UBXN7: variants seen among roughly 807,000 people sequenced by gnomAD.
The protein encoded by UBXN7 is UBX domain-containing protein 7.
In UBXN7, 9 loss-of-function variants were observed where a neutral mutation model predicts 58.0. The ratio of observed to expected loss-of-function variants is 0.16; its 90% confidence interval spans 0.09 to 0.27. The LOEUF (loss-of-function observed/expected upper bound fraction) is 0.27, where lower values mean the gene tolerates loss of function less well. Ranked by LOEUF, UBXN7 falls within the 10% of genes least tolerant of loss-of-function variation. UBXN7 has a pLI of 1.00. For missense variants in UBXN7, 328 were observed against 599.6 expected (o/e 0.55, Z 4.73); for synonymous variants, 208 against 205.0 (o/e 1.01, Z -0.12).
intron 1 of UBXN7, among the ~76,000 whole-genome samples, chr3:196,421,991 G>A (rs1399252521): frequency 2.0e-5 from 3 of 152,126 alleles, no homozygotes. Flanking sequence ...TTGAGGCCAG[G>A]AGTTCAAGAC....
At chr3:196,381,580 T>C (rs1395549869) in intron 5 of UBXN7, among the ~76,000 whole-genome samples, 2 of 152,174 alleles carry the variant, frequency 1.3e-5, no homozygotes, top group Non-Finnish European at 2.9e-5. Context: ...GCGCCTCTTC[T>C]CCTCCAAAGG....
At chr3:196,407,474 C>A (rs1284371362) in intron 1 of UBXN7, 81 bp from the exon 2 acceptor site, 3 of 1,489,678 alleles carry the variant, frequency 2.0e-6, no homozygotes, top group African/African-American at 1.4e-5. Flanking sequence ...TATTAGAATT[C>A]CCAAGTAAAT....
rs1295006329 is a variant in UBXN7 at position 196,349,115 on chromosome 3, T to G, written c.*7570A>C. 1 of 152,222 alleles carries G rather than the reference T, an allele frequency of 6.6e-6. No individual in the cohort carries two copies. Among genetic ancestry groups the G allele is most frequent in the East Asian group, 1.9e-4 (1 of 5,200 alleles). 9.4% of individuals were successfully genotyped at this position (152,222 alleles called of 1,614,324 possible). ...GCCCCTCAAAGTCTAAGTATCGTGT[T>G]AGCATCAACTGGTACTCATTTCTCT... On this transcript the variant is annotated 3_prime_UTR_variant, in exon 11 of 11. Coordinates refer to ENST00000296328, the MANE Select transcript of UBXN7 (RefSeq NM_015562.2).
At chr3:196,367,234 T>C (rs1441985559) in intron 8 of UBXN7, among the ~76,000 whole-genome samples, 2 of 151,820 alleles carry the variant, frequency 1.3e-5, no homozygotes, top group African/African-American at 2.4e-5. Flanking sequence ...TTATCCCTAC[T>C]GCTATCAAAG....
At chr3:196,399,026 C>T (rs1205671538) in intron 3 of UBXN7, among the ~76,000 whole-genome samples, 1 of 152,142 alleles carries the variant, frequency 6.6e-6, no homozygotes, top group Non-Finnish European at 1.5e-5. Context: ...CAAGAAAATG[C>T]CAACTGTCAA....
chr3:196,361,481 C>T (rs985182712), intron 10 of UBXN7, among the ~76,000 whole-genome samples: 4 of 152,218 alleles, frequency 2.6e-5, no homozygotes, highest in East Asian at 3.9e-4. Flanking sequence ...TACTATCAAA[C>T]GGCAGCACAT....
chr3:196,406,788 A>G (rs554648736), intron 2 of UBXN7, among the ~76,000 whole-genome samples: 4 of 152,296 alleles, frequency 2.6e-5, no homozygotes, highest in African/African-American at 7.2e-5. Context: ...TTTCTGTGAC[A>G]ATGTAGAAAA....
intron 5 of UBXN7, among the ~76,000 whole-genome samples, chr3:196,378,174 T>A (rs1424297281): frequency 1.3e-5 from 2 of 152,202 alleles, no homozygotes; most frequent in Non-Finnish European, 2.9e-5. Context: ...TTTATATAAT[T>A]TACCACTATC....
rs999150875 is a variant in UBXN7 at position 196,353,304 on chromosome 3, C to G, written c.*3381G>C. 2 of 152,140 alleles carry G rather than the reference C, an allele frequency of 1.3e-5. No individual in the cohort carries two copies. Among genetic ancestry groups the G allele is most frequent in the African/African-American group, 4.8e-5 (2 of 41,434 alleles). The allele number at this position is 152,140 out of a possible 1,614,324, so 9.4% of individuals were successfully genotyped here. A position where few individuals can be genotyped will look rare whatever the true frequency, so the allele number is the denominator to read the frequency against. ...ATGGGAAGAAAGTATACATTTTGTA[C>G]GATTCTTCGGGAGATTGAAGAGGCA... On this transcript the variant is annotated 3_prime_UTR_variant, in exon 11 of 11. Coordinates refer to ENST00000296328, the MANE Select transcript of UBXN7 (RefSeq NM_015562.2).
rs568549929 is a variant in UBXN7, at chr3:196,382,166, G to A, written c.468+9647C>T. On this transcript the variant is annotated intron_variant, in intron 5 of 10. Coordinates refer to ENST00000296328, the MANE Select transcript of UBXN7 (RefSeq NM_015562.2). ...ACCACAAAGATACTCCTCAAGAAAAGCAACCCCAAGACACATAATTGTCAG... is the reference window on the plus strand; with the variant it reads ...ACCACAAAGATACTCCTCAAGAAAAACAACCCCAAGACACATAATTGTCAG... 1.7e-4 allele frequency among the ~76,000 whole-genome samples: 26 copies of A among 152,228 alleles called. No homozygotes were observed. The East Asian group carries it at 4.8e-3, about 28-fold the overall frequency.
intron 5 of UBXN7, among the ~76,000 whole-genome samples, chr3:196,382,163 A>C (rs1044566040): frequency 6.6e-6 from 1 of 152,222 alleles, no homozygotes; most frequent in Non-Finnish European, 1.5e-5. Flanking sequence ...CTCCTCAAGA[A>C]AAGCAACCCC....
At chr3:196,391,750 A>C (rs6583305) in intron 5 of UBXN7, 63 bp downstream of exon 5, 8 of 1,220,522 alleles carry the variant, frequency 6.6e-6, no homozygotes, top group Non-Finnish European at 9.4e-6. Context: ...GTAATTTTTT[A>C]AAAAAAGGCA....
At chr3:196,398,681 T>C (rs1459140452) in intron 3 of UBXN7, among the ~76,000 whole-genome samples, 1 of 152,220 alleles carries the variant, frequency 6.6e-6, no homozygotes, top group Non-Finnish European at 1.5e-5. Context: ...ATCAGTAGGC[T>C]GAAGTGCAGT....
chr3:196,377,489 G>A (rs930509581), intron 5 of UBXN7, among the ~76,000 whole-genome samples: 3 of 152,038 alleles, frequency 2.0e-5, no homozygotes, highest in African/African-American at 7.2e-5. Flanking sequence ...TGGAACCTAC[G>A]AAATCAATCT....
At chr3:196,414,478 T>C (rs1157085762) in intron 1 of UBXN7, among the ~76,000 whole-genome samples, 2 of 152,184 alleles carry the variant, frequency 1.3e-5, no homozygotes, top group Non-Finnish European at 2.9e-5. Context: ...GATTTGTTCC[T>C]TACCCCTCCC....
rs184521375 is a variant in UBXN7, at chr3:196,350,981, G to A, written c.*5704C>T. The A allele has an allele frequency of 6.6e-6, 1 of 152,268 alleles. No individual in the cohort carries two copies. The highest frequency in any genetic ancestry group is 6.5e-5 in the Admixed American group (1 of 15,296). 9.4% of individuals were successfully genotyped at this position (152,268 alleles called of 1,614,324 possible). ...CGGAAAACTGCCATGTTCACCAGAA[G>A]AGCTGTCTCTTCCTATGCTCATTAC... On this transcript the variant is annotated 3_prime_UTR_variant, in exon 11 of 11. Coordinates refer to ENST00000296328, the MANE Select transcript of UBXN7 (RefSeq NM_015562.2).
At chr3:196,364,253 C>G (rs1195076453) in intron 8 of UBXN7, among the ~76,000 whole-genome samples, 1 of 152,030 alleles carries the variant, frequency 6.6e-6, no homozygotes, top group African/African-American at 2.4e-5. Context: ...CTGACTCAAA[C>G]ATACTATAGA....
At chr3:196,392,268 G>A (rs1361141308) in intron 4 of UBXN7, among the ~76,000 whole-genome samples, 3 of 151,978 alleles carry the variant, frequency 2.0e-5, no homozygotes, top group Admixed American at 1.3e-4. Context: ...TTGGATGGCC[G>A]AGGTCAGCAG....
Position 196,408,096 on chromosome 3 carries a change from T to TC in UBXN7, c.74-704dup, listed in dbSNP as rs1287618208. Among the ~76,000 whole-genome samples the TC allele has an allele frequency of 2.5e-4, 12 of 48,466 alleles. No homozygotes were observed. In the South Asian group the frequency reaches 6.1e-3, roughly 25 times the overall value. 31.8% of individuals were successfully genotyped at this position (48,466 alleles called of 152,430 possible). A position where few individuals can be genotyped will look rare whatever the true frequency, so the allele number is the denominator to read the frequency against. The stretch of plus-strand genomic sequence containing the variant: ...CTGGGCAACAGAGCGAGACTCTGTC[T>TC]CAAAAAAAAAAAAAAAAAAAAAAAA... On this transcript the variant is annotated intron_variant, in intron 1 of 10. Transcript: ENST00000296328.
Sources: allele counts gnomAD v4.1 joint callset (sites outside exome capture counted in the v4.1 genomes callset), GRCh38; gene constraint gnomAD v4.1.1; transcripts MANE v1.5; gene names NCBI Gene and HGNC (gene_info 2026-07-23, HGNC 2026-07-21).